DDR2: variants seen among roughly 807,000 people sequenced by gnomAD.
DDR2 encodes the protein discoidin domain-containing receptor 2.
In DDR2, 27 loss-of-function variants were observed where a neutral mutation model predicts 94.9. That is an observed-to-expected ratio of 0.28 (90% CI 0.21 to 0.39). The LOEUF (loss-of-function observed/expected upper bound fraction) is 0.39. Among genes scored for constraint, DDR2 ranks in the 10% least tolerant of loss-of-function variants. The pLI is 1.00. For missense variants in DDR2, 783 were observed against 1,076.0 expected (o/e 0.73, Z 3.81); for synonymous variants, 382 against 377.2 (o/e 1.01, Z -0.15).
At position 162,779,988 on chromosome 1, in the gene DDR2, T is replaced by C. The variant is rs959022115; in HGVS notation, c.2434-124T>C. 3.2e-5 allele frequency: 45 copies of C among 1,412,264 alleles called. No individual in the cohort carries two copies. In the African/African-American group the frequency reaches 4.2e-4, roughly 13 times the overall value. 87.5% of individuals were successfully genotyped at this position (1,412,264 alleles called of 1,614,324 possible). ...ATGGACACTACACCCATTTCAGTTA[T>C]CAAGTTCAAGAAAGTGGGCAGGGGG... On this transcript the variant is annotated intron_variant, in intron 17 of 17. Coordinates refer to ENST00000367921, the MANE Select transcript of DDR2 (RefSeq NM_006182.4).
chr1:162,667,067 A>T (rs1475812662), intron 2 of DDR2, among the ~76,000 whole-genome samples: 1 of 151,812 alleles, frequency 6.6e-6, no homozygotes, highest in Non-Finnish European at 1.5e-5. Flanking sequence ...TCTATCAATC[A>T]TCTATCTATC....
At chr1:162,637,651 A>T (rs1172990855) in intron 1 of DDR2, among the ~76,000 whole-genome samples, 1 of 152,170 alleles carries the variant, frequency 6.6e-6, no homozygotes, top group African/African-American at 2.4e-5. Flanking sequence ...CAAGCTGTTT[A>T]TAATGTTATG....
Position 162,650,976 on chromosome 1 carries a change from G to A in DDR2, c.-191-4235G>A, listed in dbSNP as rs994006368. 7.2e-5 allele frequency among the ~76,000 whole-genome samples: 11 copies of A among 152,076 alleles called. 1 individual carries two copies. The highest frequency in any genetic ancestry group is 7.2e-4 in the Admixed American group (11 of 15,272). On this transcript the variant is annotated intron_variant, in intron 1 of 17. Transcript: ENST00000367921. ...ACTCCTGGCCTCAAGTGATCCACCT[G>A]CCTTGGCCTCCCAAAGTGCTGGGAT...
chr1:162,688,406 G>T (rs1193832732), intron 2 of DDR2, among the ~76,000 whole-genome samples: 5 of 152,166 alleles, frequency 3.3e-5, no homozygotes, highest in Non-Finnish European at 7.3e-5. Context: ...ACTACTTGTT[G>T]TCGAAATAAT....
At position 162,732,558 on chromosome 1, in the gene DDR2, A is replaced by G. The variant is rs898855837; in HGVS notation, c.82+13413A>G. On this transcript the variant is annotated intron_variant, in intron 3 of 17. Coordinates refer to ENST00000367921, the MANE Select transcript of DDR2 (RefSeq NM_006182.4). ...AGGTTCTGATATTTAACACGGAGAC[A>G]TTAGAGGGATTGGCTTCTTAAATTT... is the stretch of plus-strand genomic sequence containing the variant. Among the ~76,000 whole-genome samples the G allele has an allele frequency of 9.2e-5, 14 of 152,232 alleles. 1 individual carries two copies. The highest frequency in any genetic ancestry group is 7.7e-4 in the East Asian group (4 of 5,194).
chr1:162,644,491 T>C lies in DDR2; in HGVS notation c.-191-10720T>C, dbSNP rs563250449. On this transcript the variant is annotated intron_variant, in intron 1 of 17. Coordinates refer to ENST00000367921, the MANE Select transcript of DDR2 (RefSeq NM_006182.4). ...TTCAGCAATAGGCATTAGGAAAACA[T>C]ATCCACCAGACAGCCTGATGATCAT... Among the ~76,000 whole-genome samples the C allele has an allele frequency of 1.5e-3, 232 of 152,348 alleles. 4 individuals are homozygous for C. Among genetic ancestry groups the C allele is most frequent in the African/African-American group, 5.2e-3 (217 of 41,582 alleles).
At chr1:162,699,830 C>A (rs1660349765) in intron 2 of DDR2, among the ~76,000 whole-genome samples, 1 of 152,152 alleles carries the variant, frequency 6.6e-6, no homozygotes, top group Non-Finnish European at 1.5e-5. Flanking sequence ...CAAAGTTCTA[C>A]AGTAAAATTC....
At chr1:162,737,006 T>A (rs192622098) in intron 3 of DDR2, among the ~76,000 whole-genome samples, 24 of 152,382 alleles carry the variant, frequency 1.6e-4, no homozygotes, top group Non-Finnish European at 3.1e-4. Flanking sequence ...AGTTTCATGA[T>A]ATGACTTTCA....
intron 4 of DDR2, among the ~76,000 whole-genome samples, 176 bp from the exon 5 acceptor site, chr1:162,754,448 G>T (rs1663356800): frequency 6.6e-6 from 1 of 152,182 alleles, no homozygotes; most frequent in African/African-American, 2.4e-5. Context: ...CAGGGAAAGG[G>T]ATCTGACCAC....
chr1:162,696,488 C>T (rs995676731), intron 2 of DDR2, among the ~76,000 whole-genome samples: 3 of 151,936 alleles, frequency 2.0e-5, no homozygotes, highest in Non-Finnish European at 1.5e-5. Context: ...GTTTCCCTCT[C>T]GGTGTCATAT....
chr1:162,674,448 A>G (rs184102615), intron 2 of DDR2, among the ~76,000 whole-genome samples: 1 of 152,356 alleles, frequency 6.6e-6, no homozygotes, highest in Non-Finnish European at 1.5e-5. Context: ...TCAGTAATAT[A>G]CACTGAAGAA....
At chr1:162,699,201 A>G (rs980454493) in intron 2 of DDR2, among the ~76,000 whole-genome samples, 1 of 152,218 alleles carries the variant, frequency 6.6e-6, no homozygotes, top group African/African-American at 2.4e-5. Flanking sequence ...TGAATTTCTC[A>G]ATGCCTTCTG....
intron 2 of DDR2, among the ~76,000 whole-genome samples, chr1:162,709,820 AG>A (rs2102011580): frequency 6.6e-6 from 1 of 152,344 alleles, no homozygotes; most frequent in African/African-American, 2.4e-5. Context: ...AGAGATTGCT[AG>A]GGCTCACCAA....
At position 162,645,723 on chromosome 1, in the gene DDR2, T is replaced by C. The variant is rs985296355; in HGVS notation, c.-191-9488T>C. On this transcript the variant is annotated intron_variant, in intron 1 of 17. Coordinates refer to ENST00000367921, the MANE Select transcript of DDR2 (RefSeq NM_006182.4). ...GGTTCATAAGTTCAGGAAAATAAGATCTTAACCCAAACTCTGTAGTAAGCA... is the reference window on the plus strand; with the variant it reads ...GGTTCATAAGTTCAGGAAAATAAGACCTTAACCCAAACTCTGTAGTAAGCA... 3.9e-5 allele frequency among the ~76,000 whole-genome samples: 6 copies of C among 152,218 alleles called. No homozygotes were observed. The South Asian group carries it at 1.2e-3, about 32-fold the overall frequency.
Position 162,772,345 on chromosome 1 carries a change from A to C in DDR2, c.1728+98A>C. On this transcript the variant is annotated intron_variant, in intron 13 of 17. Coordinates refer to ENST00000367921, the MANE Select transcript of DDR2 (RefSeq NM_006182.4). ...TCCCTTCCAGAGGTGGATTCACAAC[A>C]GAATGTCTCTTCCATTTGTCTCTCC... 2.5e-6 allele frequency: 3 copies of C among 1,209,972 alleles called. No homozygotes were observed. The South Asian group carries it at 3.9e-5, about 16-fold the overall frequency. 75.0% of individuals were successfully genotyped at this position (1,209,972 alleles called of 1,614,324 possible).
chr1:162,750,043 A>T (rs947460828), intron 3 of DDR2, among the ~76,000 whole-genome samples: 1 of 152,328 alleles, frequency 6.6e-6, no homozygotes, highest in Non-Finnish European at 1.5e-5. Flanking sequence ...TATCATACTG[A>T]ATGGGCAAAA....
At chr1:162,733,624 C>T (rs79435662) in intron 3 of DDR2, among the ~76,000 whole-genome samples, 5 of 152,206 alleles carry the variant, frequency 3.3e-5, no homozygotes, top group East Asian at 1.9e-4. Context: ...TCCTAACTTT[C>T]GTTGTCTGGA....
chr1:162,775,555 G>A (rs990981593), intron 14 of DDR2, 97 bp from the exon 15 acceptor site: 2 of 1,321,638 alleles, frequency 1.5e-6, no homozygotes, highest in African/African-American at 1.4e-5. Context: ...ACAAGATTTG[G>A]CATAATGTCC....
chr1:162,745,292 G>A (rs1662795086), intron 3 of DDR2, among the ~76,000 whole-genome samples: 1 of 151,984 alleles, frequency 6.6e-6, no homozygotes, highest in Non-Finnish European at 1.5e-5. Flanking sequence ...TTTTCACTTT[G>A]TTCATTGTTT....
Sources: gnomAD v4.1 joint callset for allele counts (sites outside exome capture counted in the v4.1 genomes callset) on GRCh38, gnomAD v4.1.1 for gene constraint, MANE v1.5 for transcripts, NCBI Gene and HGNC (gene_info 2026-07-23, HGNC 2026-07-21) for gene names.